Variants in OR6K6 observed in about 807,000 individuals in gnomAD.
The protein encoded by OR6K6 is olfactory receptor 6K6.
Under a neutral mutation model 8.1 loss-of-function variants are expected in OR6K6, and 9 were observed. The observed-to-expected ratio is 1.11, with a 90% CI of 0.67 to 1.94. The LOEUF is 1.94. Among genes scored for constraint, OR6K6 ranks in the 30% most tolerant of loss-of-function variants. The probability of loss-of-function intolerance (pLI) is 0.00; values close to 1 mark genes in which losing one functional copy is unlikely to be tolerated. For missense variants in OR6K6, 400 were observed against 383.1 expected, an observed-to-expected ratio of 1.04 and a Z score of -0.37; for synonymous variants, 156 against 140.3, an observed-to-expected ratio of 1.11 and a Z score of -0.79.
exon 1 of OR6K6, chr1:158,755,376 G>C (rs1656965997): frequency 6.2e-7 from 1 of 1,614,082 alleles, no homozygotes; most frequent in African/African-American, 1.3e-5. Flanking sequence ...TGCTTCCTGA[G>C]ATTGCATGGA....
Position 158,754,976 on chromosome 1 carries a change from T to G in OR6K6, c.89T>G (p.Leu30Ter). The change falls in exon 1 of 1, where the codon TTA (leucine) becomes TGA (stop). Residue 30 changes from leucine (L) to a stop codon, truncating the protein, a stop_gained. Transcript: ENST00000641861. LOFTEE classifies it high-confidence loss of function. ...CCGCATGCGCACAGAGGTGGCCTCT[T>G]ATTCTTTATTCCCTTGCTTCTCATC... The G allele has an allele frequency of 6.2e-7, 1 of 1,614,210 alleles. No homozygotes were observed. The highest frequency in any genetic ancestry group is 8.5e-7 in the Non-Finnish European group (1 of 1,180,034).
At chr1:158,755,564 T>C (rs780594211) in exon 1 of OR6K6, 19 of 1,614,084 alleles carry the variant, frequency 1.2e-5, no homozygotes, top group African/African-American at 5.3e-5. Context: ...CGGATTATTA[T>C]AGTGATTCTG....
At position 158,755,129 on chromosome 1, in the gene OR6K6, C is replaced by A. The variant is rs372430020; in HGVS notation, c.242C>A (p.Thr81Asn). 1.3e-5 allele frequency: 21 copies of A among 1,613,966 alleles called. No individual in the cohort carries two copies. The highest frequency in any genetic ancestry group is 1.8e-5 in the Non-Finnish European group (21 of 1,179,992). ...CTGGAGATCTGCTATACCACAACCACCATCCCCAAGATGCTGTCCTGCCTA... is the reference window on the plus strand; with the variant it reads ...CTGGAGATCTGCTATACCACAACCAACATCCCCAAGATGCTGTCCTGCCTA... Residue 81 changes from threonine (T) to asparagine (N), a missense_variant, in exon 1 of 1, where the codon ACC becomes AAC. Physicochemically the swap from Thr to Asn is moderately conservative, Grantham distance 65. Coordinates refer to ENST00000641861, the Ensembl canonical transcript of OR6K6.
At chr1:158,755,884 G>A (rs1367415565) in exon 1 of OR6K6, 1 of 1,432,142 alleles carries the variant, frequency 7.0e-7, no homozygotes, top group Non-Finnish European at 9.5e-7. Flanking sequence ...CCTCTTGGAA[G>A]AGCAAAATTT....
chr1:158,755,133 C>A (rs1558026229), exon 1 of OR6K6: 2 of 1,614,042 alleles, frequency 1.2e-6, no homozygotes, highest in Non-Finnish European at 1.7e-6. Flanking sequence ...CAACCACCAT[C>A]CCCAAGATGC....
chr1:158,755,401 T>C (rs1006104537), exon 1 of OR6K6: 8 of 1,614,100 alleles, frequency 5.0e-6, no homozygotes, highest in African/African-American at 1.3e-5. Context: ...CACCTTGCCT[T>C]TCTGTGGCTC....
exon 1 of OR6K6, chr1:158,755,500 A>C: frequency 6.2e-7 from 1 of 1,614,186 alleles, no homozygotes; most frequent in Non-Finnish European, 8.5e-7. Context: ...TGTGGATGCC[A>C]TCCATGCAGC....
chr1:158,755,511 G>T, exon 1 of OR6K6: 3 of 1,614,024 alleles, frequency 1.9e-6, no homozygotes, highest in Non-Finnish European at 1.7e-6. Flanking sequence ...TCCATGCAGC[G>T]GAAATTGTAG....
chr1:158,755,468 C>G, exon 1 of OR6K6: 1 of 1,614,236 alleles, frequency 6.2e-7, no homozygotes, highest in South Asian at 1.1e-5. Flanking sequence ...TTGGCCTGCA[C>G]AGATACATTC....
At chr1:158,755,453 T>C (rs1471498952) in exon 1 of OR6K6, 3 of 1,614,100 alleles carry the variant, frequency 1.9e-6, no homozygotes, top group Non-Finnish European at 2.5e-6. Context: ...ACACCTGTGC[T>C]GAGCTTGGCC....
chr1:158,755,783 A>G (rs769860423), exon 1 of OR6K6: 1 of 1,614,016 alleles, frequency 6.2e-7, no homozygotes, highest in African/African-American at 1.3e-5. Flanking sequence ...AAAAACAAGG[A>G]CATGAAAGAG....
At chr1:158,755,035 T>C (rs1393727609) in exon 1 of OR6K6, 2 of 1,614,166 alleles carry the variant, frequency 1.2e-6, no homozygotes, top group South Asian at 2.2e-5. Context: ...CCTAATAATG[T>C]TCATTGTCAT....
rs145322246 is a variant in OR6K6, at chr1:158,755,241, C to G, written c.354C>G (p.Val118=). 2.5e-6 allele frequency: 4 copies of G among 1,613,956 alleles called. No homozygotes were observed. In the African/African-American group the frequency reaches 4.0e-5, roughly 16 times the overall value. The change falls in exon 1 of 1, where the codon GTC becomes GTG. Residue 118 remains valine, a synonymous_variant. Coordinates refer to ENST00000641861, the Ensembl canonical transcript of OR6K6. ...CACTTGGTATCACAGAAAGCTGTGT[C>G]CTGACAGCAATGGCCATTGACAGGT...
exon 1 of OR6K6, chr1:158,754,767 G>C: frequency 7.3e-7 from 1 of 1,366,734 alleles, no homozygotes; most frequent in Non-Finnish European, 1.0e-6. Flanking sequence ...TTTCTAACTG[G>C]TTTCTTCAGG....
chr1:158,755,494 G>C (rs746201819), exon 1 of OR6K6: 1 of 1,614,182 alleles, frequency 6.2e-7, no homozygotes, highest in Non-Finnish European at 8.5e-7. Flanking sequence ...GGTCATTGTG[G>C]ATGCCATCCA....
At chr1:158,754,959 G>A (rs147601748) in exon 1 of OR6K6, 27 of 1,614,136 alleles carry the variant, frequency 1.7e-5, no homozygotes, top group Middle Eastern at 1.6e-4. Context: ...TCCCGCATGC[G>A]CACAGAGGTG....
chr1:158,755,234 G>T lies in OR6K6; in HGVS notation c.347G>T (p.Ser116Ile), dbSNP rs369993626. 141 of 1,613,944 alleles carry T rather than the reference G, an allele frequency of 8.7e-5. No homozygotes were observed. The highest frequency in any genetic ancestry group is 1.2e-4 in the Non-Finnish European group (139 of 1,180,032). Residue 116 changes from serine to isoleucine, a missense_variant, in exon 1 of 1, where the codon AGC becomes ATC. Transcript: ENST00000641861. ...TTCCACTCACTTGGTATCACAGAAAGCTGTGTCCTGACAGCAATGGCCATT... is the reference window on the plus strand; with the variant it reads ...TTCCACTCACTTGGTATCACAGAAATCTGTGTCCTGACAGCAATGGCCATT...
At chr1:158,755,786 T>C (rs1350176548) in exon 1 of OR6K6, 1 of 1,613,950 alleles carries the variant, frequency 6.2e-7, no homozygotes, top group Non-Finnish European at 8.5e-7. Flanking sequence ...AACAAGGACA[T>C]GAAAGAGGCT....
chr1:158,755,551 A>G, exon 1 of OR6K6: 1 of 1,613,886 alleles, frequency 6.2e-7, no homozygotes, highest in Non-Finnish European at 8.5e-7. Context: ...TCTATCCTAC[A>G]TCCGGATTAT....
Sources: gnomAD v4.1 joint callset for allele counts on GRCh38, gnomAD v4.1.1 for gene constraint, MANE v1.5 for transcripts, NCBI Gene and HGNC (gene_info 2026-07-23, HGNC 2026-07-21) for gene names.